The following RPRD2 variants were observed in gnomAD, a reference collection of about 807,000 sequenced individuals.
RPRD2 encodes the protein regulation of nuclear pre-mRNA domain-containing protein 2.
In RPRD2, 12 loss-of-function variants were observed where a neutral mutation model predicts 104.4. That is an observed-to-expected ratio of 0.11 (90% CI 0.07 to 0.19). RPRD2 has a LOEUF of 0.19. Ranked by LOEUF, RPRD2 falls within the 10% of genes least tolerant of loss-of-function variation. The pLI, the probability that RPRD2 is intolerant of heterozygous loss-of-function variation, is 1.00. For synonymous variants in RPRD2, 714 were observed against 684.9 expected (o/e 1.04, Z -0.66); for missense variants, 1,543 against 1,790.1 (o/e 0.86, Z 2.49).
Position 150,455,196 on chromosome 1 carries a change from A to G in RPRD2, c.871-2092A>G, listed in dbSNP as rs781926960. Among the ~76,000 whole-genome samples the G allele has an allele frequency of 6.6e-5, 10 of 152,160 alleles. No homozygotes were observed. The South Asian group carries it at 2.1e-3, about 32-fold the overall frequency. Reference sequence around the variant, plus strand: ...TGACCAGTACTCTTGAAAACTGTCAAGATCGTCAAAACCAGTGAAAGTCCA... The same window carrying G: ...TGACCAGTACTCTTGAAAACTGTCAGGATCGTCAAAACCAGTGAAAGTCCA... On this transcript the variant is annotated intron_variant, in intron 7 of 10. Coordinates refer to ENST00000369068, the MANE Select transcript of RPRD2 (RefSeq NM_015203.5).
intron 1 of RPRD2, among the ~76,000 whole-genome samples, chr1:150,406,428 CAA>C (rs1164183271): frequency 2.0e-5 from 3 of 152,106 alleles, no homozygotes; most frequent in African/African-American, 7.2e-5. Context: ...TTTTTTGAGA[CAA>C]GAGTCTCTCT....
chr1:150,389,293 G>T (rs587757257), intron 1 of RPRD2, among the ~76,000 whole-genome samples: 1 of 152,242 alleles, frequency 6.6e-6, no homozygotes, highest in South Asian at 2.1e-4. Flanking sequence ...CAAGCGATCT[G>T]CCTGCCTCGG....
chr1:150,447,163 G>T (rs1553895724), intron 7 of RPRD2, among the ~76,000 whole-genome samples: 1 of 151,652 alleles, frequency 6.6e-6, no homozygotes, highest in Non-Finnish European at 1.5e-5. Flanking sequence ...TAGAGATGGG[G>T]TTTCTCCATA....
intron 9 of RPRD2, 105 bp from the exon 10 acceptor site, chr1:150,464,422 G>T: frequency 1.3e-6 from 1 of 770,630 alleles, no homozygotes; most frequent in Non-Finnish European, 2.1e-6. Flanking sequence ...ATCAACCACA[G>T]AAGAATTCCT....
intron 9 of RPRD2, among the ~76,000 whole-genome samples, 160 bp from the exon 10 acceptor site, chr1:150,464,367 T>TTTC (rs1306472312): frequency 3.4e-5 from 5 of 148,226 alleles, no homozygotes; most frequent in Non-Finnish European, 4.5e-5. Flanking sequence ...TCAGGGTTTT[T>TTTC]TTTTTTTTTT....
At chr1:150,368,036 C>A (rs143086972) in intron 1 of RPRD2, among the ~76,000 whole-genome samples, 1 of 151,930 alleles carries the variant, frequency 6.6e-6, no homozygotes, top group African/African-American at 2.4e-5. Flanking sequence ...CAGTGATATC[C>A]CATTGCAACA....
chr1:150,366,548 C>T (rs192596620), intron 1 of RPRD2, among the ~76,000 whole-genome samples: 216 of 152,280 alleles, frequency 1.4e-3, no homozygotes, highest in African/African-American at 5.1e-3. Flanking sequence ...TGTTAAGTAT[C>T]TGCTATGTGC....
intron 1 of RPRD2, among the ~76,000 whole-genome samples, chr1:150,378,643 C>G (rs1660894462): frequency 6.6e-6 from 1 of 152,136 alleles, no homozygotes; most frequent in South Asian, 2.1e-4. Flanking sequence ...TTTGCTCCCA[C>G]TAAATTTTTG....
intron 2 of RPRD2, among the ~76,000 whole-genome samples, chr1:150,433,663 C>G (rs1665775704): frequency 6.7e-6 from 1 of 148,714 alleles, no homozygotes; most frequent in South Asian, 2.1e-4. Context: ...CCAGGATGGT[C>G]TCAATCTGCA....
At chr1:150,422,385 A>T (rs9436003) in intron 2 of RPRD2, among the ~76,000 whole-genome samples, 3 of 147,512 alleles carry the variant, frequency 2.0e-5, no homozygotes, top group Non-Finnish European at 3.0e-5. Flanking sequence ...ATTAAAATAA[A>T]AAAATAAAAC....
intron 1 of RPRD2, among the ~76,000 whole-genome samples, chr1:150,388,689 C>G (rs1661831499): frequency 6.6e-6 from 1 of 150,936 alleles, no homozygotes; most frequent in East Asian, 2.0e-4. Flanking sequence ...ATCTTGCAAC[C>G]TCCGCCTCCT....
At chr1:150,384,361 A>G (rs1661379255) in intron 1 of RPRD2, among the ~76,000 whole-genome samples, 1 of 151,878 alleles carries the variant, frequency 6.6e-6, no homozygotes, top group African/African-American at 2.4e-5. Context: ...CAAAAGTGTG[A>G]AAGAATCAGA....
chr1:150,428,940 A>G (rs187703054), intron 2 of RPRD2, among the ~76,000 whole-genome samples: 13 of 152,042 alleles, frequency 8.6e-5, no homozygotes, highest in East Asian at 3.9e-4. Context: ...TAGCAATTCT[A>G]TAAGGTCGCT....
intron 2 of RPRD2, among the ~76,000 whole-genome samples, chr1:150,420,816 A>AC (rs1195115419): frequency 6.6e-6 from 1 of 152,064 alleles, no homozygotes; most frequent in African/African-American, 2.4e-5. Flanking sequence ...ACACAGCAAG[A>AC]CCCCGTCTCA....
At chr1:150,365,807 T>C (rs1572326221) in intron 1 of RPRD2, among the ~76,000 whole-genome samples, 1 of 152,120 alleles carries the variant, frequency 6.6e-6, no homozygotes, top group South Asian at 2.1e-4. Flanking sequence ...GCCTGGCTGG[T>C]CTCGAACTCC....
At chr1:150,417,067 A>G (rs1232740483) in intron 1 of RPRD2, among the ~76,000 whole-genome samples, 4 of 152,074 alleles carry the variant, frequency 2.6e-5, no homozygotes, top group Non-Finnish European at 5.9e-5. Context: ...TATCTGTAAT[A>G]AATGTTAAGC....
Position 150,444,239 on chromosome 1 carries a change from G to A in RPRD2, c.568-12G>A, listed in dbSNP as rs1422338998. On this transcript the variant is annotated splice_polypyrimidine_tract_variant and intron_variant, in intron 5 of 10. Transcript: ENST00000369068. ...ATCTTGTAAATGAAATATGACTCTG[G>A]TCTGTGTTTAGTCTCAGGCCCTAAT... 1 of 1,609,498 alleles carries A rather than the reference G, an allele frequency of 6.2e-7. No individual in the cohort carries two copies. The highest frequency in any genetic ancestry group is 8.5e-7 in the Non-Finnish European group (1 of 1,178,168).
chr1:150,402,771 A>C (rs587618492), intron 1 of RPRD2, among the ~76,000 whole-genome samples: 1 of 152,308 alleles, frequency 6.6e-6, no homozygotes, highest in East Asian at 1.9e-4. Flanking sequence ...GTTCGATACC[A>C]GCCTGACCAA....
intron 1 of RPRD2, among the ~76,000 whole-genome samples, chr1:150,387,538 A>G (rs922868122): frequency 6.8e-6 from 1 of 147,588 alleles, no homozygotes; most frequent in Non-Finnish European, 1.5e-5. Context: ...CCAGAAATAC[A>G]ACTAAATCTT....
Sources: gnomAD v4.1 joint callset for allele counts (sites outside exome capture counted in the v4.1 genomes callset) on GRCh38, gnomAD v4.1.1 for gene constraint, MANE v1.5 for transcripts, NCBI Gene and HGNC (gene_info 2026-07-23, HGNC 2026-07-21) for gene names.